The following CALCR variants were observed in gnomAD, a reference collection of about 807,000 sequenced individuals.
CALCR encodes calcitonin receptor.
A neutral mutation model predicts 59.5 loss-of-function variants in CALCR; 47 were observed. The observed-to-expected ratio is 0.79, with a 90% CI of 0.63 to 1.01. The LOEUF (loss-of-function observed/expected upper bound fraction) is 1.01, where lower values mean the gene tolerates loss of function less well. Among genes scored for constraint, CALCR ranks in the 50% least tolerant of loss-of-function variants. The probability of loss-of-function intolerance (pLI) is 0.00; values close to 1 mark genes in which losing one functional copy is unlikely to be tolerated. For synonymous variants in CALCR, 213 were observed against 211.3 expected (o/e 1.01, Z -0.07); for missense variants, 566 against 597.1 (o/e 0.95, Z 0.54).
chr7:93,451,385 A>G (rs1759741054), intron 8 of CALCR, among the ~76,000 whole-genome samples: 1 of 152,004 alleles, frequency 6.6e-6, no homozygotes, highest in African/African-American at 2.4e-5. Flanking sequence ...TATGCAATTG[A>G]ATACTTTTTC....
In CALCR at chr7:93,551,349, G is replaced by A. The variant is rs1230086202; in HGVS notation, c.-27+22940C>T. Among the ~76,000 whole-genome samples, 5 of 152,202 alleles carry A rather than the reference G, an allele frequency of 3.3e-5. 1 individual carries two copies. Among genetic ancestry groups the A allele is most frequent in the Admixed American group, 2.0e-4 (3 of 15,270 alleles). ...TCTAAGAGCCTTTGTCAGGGATGAAGCTCTGGATATATGCAGGCAAAACTT... is the reference window on the plus strand; with the variant it reads ...TCTAAGAGCCTTTGTCAGGGATGAAACTCTGGATATATGCAGGCAAAACTT... On this transcript the variant is annotated intron_variant, in intron 2 of 13. Transcript: ENST00000426151.
chr7:93,517,014 A>G (rs1201261018), intron 2 of CALCR, among the ~76,000 whole-genome samples: 1 of 151,880 alleles, frequency 6.6e-6, no homozygotes, highest in Non-Finnish European at 1.5e-5. Flanking sequence ...CATTAGAACC[A>G]TGAGAGTATA....
At chr7:93,447,482 T>C (rs1310500876) in intron 8 of CALCR, among the ~76,000 whole-genome samples, 1 of 151,964 alleles carries the variant, frequency 6.6e-6, no homozygotes, top group African/African-American at 2.4e-5. Context: ...TTATAATAGG[T>C]AATCAATGTT....
At chr7:93,472,288 G>T in intron 6 of CALCR, 87 bp downstream of exon 6, 1 of 744,932 alleles carries the variant, frequency 1.3e-6, no homozygotes. Context: ...TGGCTTCTTT[G>T]TGGCAGATAT....
intron 8 of CALCR, among the ~76,000 whole-genome samples, chr7:93,456,758 G>A (rs1299601694): frequency 6.6e-6 from 1 of 152,158 alleles, no homozygotes; most frequent in African/African-American, 2.4e-5. Flanking sequence ...AGAACCAGGT[G>A]CTAGTCATGT....
chr7:93,521,789 TTAAA>T (rs1414231995), intron 2 of CALCR, among the ~76,000 whole-genome samples: 1 of 152,178 alleles, frequency 6.6e-6, no homozygotes, highest in Non-Finnish European at 1.5e-5. Context: ...TACATATCTA[TTAAA>T]TACTTTATTA....
chr7:93,512,021 G>A (rs559782954), intron 2 of CALCR, among the ~76,000 whole-genome samples: 28 of 152,090 alleles, frequency 1.8e-4, no homozygotes, highest in Non-Finnish European at 4.1e-4. Flanking sequence ...TCCTCCAGTT[G>A]GAATACTTCT....
At chr7:93,469,205 C>T (rs1431714433) in intron 6 of CALCR, among the ~76,000 whole-genome samples, 2 of 151,740 alleles carry the variant, frequency 1.3e-5, no homozygotes, top group Non-Finnish European at 2.9e-5. Flanking sequence ...TCCAAGCTGT[C>T]CTGACCTACA....
intron 2 of CALCR, among the ~76,000 whole-genome samples, chr7:93,553,146 C>CT (rs1424752919): frequency 6.6e-6 from 1 of 152,168 alleles, no homozygotes; most frequent in Non-Finnish European, 1.5e-5. Context: ...TCTGCTATCT[C>CT]TTTTCTCATC....
rs563876469 is a variant in CALCR, at chr7:93,512,846, C to T, written c.-26-25839G>A. 2.3e-4 allele frequency among the ~76,000 whole-genome samples: 35 copies of T among 152,188 alleles called. 1 individual carries two copies. The highest frequency in any genetic ancestry group is 8.4e-4 in the African/African-American group (35 of 41,534). On this transcript the variant is annotated intron_variant, in intron 2 of 13. Coordinates refer to ENST00000426151, the MANE Select transcript of CALCR (RefSeq NM_001742.4). ...AAATTTTATGGTTCTAAATAGCACT[C>T]ATAAAATTTTTTCCTTGATAAACAG...
chr7:93,550,228 G>A (rs1292787532), intron 2 of CALCR, among the ~76,000 whole-genome samples: 2 of 151,888 alleles, frequency 1.3e-5, no homozygotes, highest in Admixed American at 6.6e-5. Flanking sequence ...GGTGGCTCAC[G>A]CCTGTAATCC....
chr7:93,483,454 T>TAGATAGAC (rs1170253401), intron 3 of CALCR, among the ~76,000 whole-genome samples: 72 of 92,270 alleles, frequency 7.8e-4, no homozygotes, highest in African/African-American at 4.1e-3. Flanking sequence ...GATAGATAGA[T>TAGATAGAC]AGACAGACAG....
chr7:93,459,996 C>G (rs577613291), intron 8 of CALCR, among the ~76,000 whole-genome samples: 2 of 152,096 alleles, frequency 1.3e-5, no homozygotes, highest in East Asian at 3.9e-4. Flanking sequence ...TAAACCTTTT[C>G]CAAAGCATAA....
chr7:93,448,703 A>G (rs192347722), intron 8 of CALCR, among the ~76,000 whole-genome samples: 63 of 152,126 alleles, frequency 4.1e-4, no homozygotes, highest in Admixed American at 6.6e-4. Flanking sequence ...AGTGGGGCTT[A>G]TGTTATTAAT....
At chr7:93,523,552 G>A (rs1181219945) in intron 2 of CALCR, among the ~76,000 whole-genome samples, 3 of 151,792 alleles carry the variant, frequency 2.0e-5, no homozygotes, top group Admixed American at 6.6e-5. Context: ...CTTTTATTTA[G>A]GTATATGTCT....
rs996272561 is a variant in CALCR, at chr7:93,451,188, G to C, written c.649-7431C>G. Among the ~76,000 whole-genome samples, 3 of 151,852 alleles carry C rather than the reference G, an allele frequency of 2.0e-5. No individual in the cohort carries two copies. In the East Asian group the frequency reaches 5.8e-4, roughly 29 times the overall value. ...TACTTGCTTTCACCTCGTAACAATAGTTCACATTTTTAAATTATTTACACT... is the reference window on the plus strand; with the variant it reads ...TACTTGCTTTCACCTCGTAACAATACTTCACATTTTTAAATTATTTACACT... On this transcript the variant is annotated intron_variant, in intron 8 of 13. Coordinates refer to ENST00000426151, the MANE Select transcript of CALCR (RefSeq NM_001742.4).
intron 2 of CALCR, among the ~76,000 whole-genome samples, chr7:93,555,871 T>A (rs1320218083): frequency 6.6e-6 from 1 of 152,152 alleles, no homozygotes. Flanking sequence ...AATGAACAAG[T>A]TTTTCTGCCC....
At chr7:93,524,991 C>T (rs1039200285) in intron 2 of CALCR, among the ~76,000 whole-genome samples, 8 of 152,032 alleles carry the variant, frequency 5.3e-5, no homozygotes, top group African/African-American at 1.7e-4. Context: ...TAAAAGAATC[C>T]ATGCCTGCAA....
intron 2 of CALCR, among the ~76,000 whole-genome samples, chr7:93,521,408 G>A (rs551723800): frequency 1.3e-5 from 2 of 152,114 alleles, no homozygotes; most frequent in South Asian, 4.2e-4. Context: ...CATTTTTATA[G>A]ATACAAAGGA....
Sources: gnomAD v4.1 joint callset for allele counts (sites outside exome capture counted in the v4.1 genomes callset) on GRCh38, gnomAD v4.1.1 for gene constraint, MANE v1.5 for transcripts, NCBI Gene and HGNC (gene_info 2026-07-23, HGNC 2026-07-21) for gene names.